SCARB2: variants seen among roughly 807,000 people sequenced by gnomAD.
The protein encoded by SCARB2 is scavenger receptor class B member 2, also known as lysosome membrane protein 2.
SCARB2 carries 29 observed loss-of-function variants against 58.6 expected under a neutral mutation model. That is an observed-to-expected ratio of 0.49 (90% CI 0.37 to 0.67). SCARB2 has a LOEUF of 0.67. Among genes scored for constraint, SCARB2 ranks in the 30% least tolerant of loss-of-function variants. The probability of loss-of-function intolerance (pLI) is 0.00; values close to 1 mark genes in which losing one functional copy is unlikely to be tolerated. For missense variants in SCARB2, 488 were observed against 578.5 expected, an observed-to-expected ratio of 0.84 and a Z score of 1.60; for synonymous variants, 195 against 210.1, an observed-to-expected ratio of 0.93 and a Z score of 0.62.
chr4:76,160,765 T>C lies in SCARB2; in HGVS notation c.*948A>G, dbSNP rs1731879771. 6.6e-6 allele frequency: 1 copy of C among 152,226 alleles called. No individual in the cohort carries two copies. The highest frequency in any genetic ancestry group is 2.4e-5 in the African/African-American group (1 of 41,466). 9.4% of individuals were successfully genotyped at this position (152,226 alleles called of 1,614,324 possible). Reference sequence around the variant, plus strand: ...GTAACTTAGGCTGTAGATAGATGGATTTCCCATATTCATAATTTTACAAAT... The same window carrying C: ...GTAACTTAGGCTGTAGATAGATGGACTTCCCATATTCATAATTTTACAAAT... On this transcript the variant is annotated 3_prime_UTR_variant, in exon 12 of 12. Transcript: ENST00000264896.
chr4:76,162,816 T>C, intron 11 of SCARB2: 2 of 321,246 alleles, frequency 6.2e-6, no homozygotes, highest in Non-Finnish European at 1.2e-5. Context: ...ATTTTACAGA[T>C]GAAGAAACTG....
intron 1 of SCARB2, among the ~76,000 whole-genome samples, chr4:76,207,890 C>T (rs1051938032): frequency 1.3e-5 from 2 of 152,178 alleles, no homozygotes. Flanking sequence ...ATAATATTTC[C>T]TTTAATGTAA....
chr4:76,187,445 A>T (rs1193742816), intron 2 of SCARB2, among the ~76,000 whole-genome samples: 1 of 152,232 alleles, frequency 6.6e-6, no homozygotes, highest in Non-Finnish European at 1.5e-5. Flanking sequence ...CGAGGTAACC[A>T]GAGGAGAAAA....
Position 76,166,246 on chromosome 4 carries a change from T to C in SCARB2, c.1239+4A>G. On this transcript the variant is annotated splice_donor_region_variant and intron_variant, in intron 10 of 11. Coordinates refer to ENST00000264896, the MANE Select transcript of SCARB2 (RefSeq NM_005506.4). ...CCCGTGGCTCCCTCCGTCTCAGGAC[T>C]TACCTCATTGAGGTACATCACTGGG... The C allele has an allele frequency of 6.2e-7, 1 of 1,613,822 alleles. No individual in the cohort carries two copies. The highest frequency in any genetic ancestry group is 8.5e-7 in the Non-Finnish European group (1 of 1,179,704).
chr4:76,181,438 C>T (rs1029018721), intron 2 of SCARB2, among the ~76,000 whole-genome samples: 8 of 152,204 alleles, frequency 5.3e-5, no homozygotes, highest in African/African-American at 1.9e-4. Flanking sequence ...TCAAAATTTT[C>T]AGTTTGGTTC....
At chr4:76,220,513 GCTTA>G (rs1248481914) in intron 1 of SCARB2, among the ~76,000 whole-genome samples, 2 of 152,162 alleles carry the variant, frequency 1.3e-5, no homozygotes, top group African/African-American at 2.4e-5. Flanking sequence ...TATAGTCCCA[GCTTA>G]CTTATGAGGT....
chr4:76,177,223 G>GAA (rs1199039232), intron 4 of SCARB2: 1 of 151,064 alleles, frequency 6.6e-6, no homozygotes, highest in Admixed American at 6.6e-5. Flanking sequence ...TTTCTGAAAA[G>GAA]AAAATATACT....
chr4:76,166,759 G>A (rs1381457470), intron 9 of SCARB2: 11 of 181,762 alleles, frequency 6.1e-5, no homozygotes, highest in Non-Finnish European at 1.3e-4. Flanking sequence ...TACTGTCCCA[G>A]GTTTACAGAT....
intron 1 of SCARB2, among the ~76,000 whole-genome samples, chr4:76,200,135 A>ACTGG (rs1732800232): frequency 6.6e-6 from 1 of 152,194 alleles, no homozygotes; most frequent in African/African-American, 2.4e-5. Context: ...GCCAGTCTGA[A>ACTGG]CAGAAAGCCA....
At chr4:76,170,009 T>C (rs769852857) in intron 7 of SCARB2, 24 bp from the exon 8 acceptor site, 1 of 1,558,366 alleles carries the variant, frequency 6.4e-7, no homozygotes, top group South Asian at 1.1e-5. Flanking sequence ...AAAACAGAAA[T>C]GAATGATGCT....
At chr4:76,227,011 T>TG (rs1316264697) in intron 1 of SCARB2, among the ~76,000 whole-genome samples, 1 of 151,994 alleles carries the variant, frequency 6.6e-6, no homozygotes, top group Non-Finnish European at 1.5e-5. Flanking sequence ...TTTGTTTGTT[T>TG]GTTTCAATTT....
intron 2 of SCARB2, among the ~76,000 whole-genome samples, chr4:76,189,394 T>C (rs1483915059): frequency 6.6e-6 from 1 of 152,210 alleles, no homozygotes; most frequent in Admixed American, 6.5e-5. Flanking sequence ...CTTACAGTCA[T>C]GGCAGAAGGG....
At chr4:76,169,726 A>G (rs2109937590) in intron 8 of SCARB2, 141 bp downstream of exon 8, 2 of 759,408 alleles carry the variant, frequency 2.6e-6, no homozygotes, top group South Asian at 2.9e-5. Flanking sequence ...TGCCTCCATC[A>G]GCACTGAGCT....
chr4:76,205,074 C>A (rs1002472674), intron 1 of SCARB2, among the ~76,000 whole-genome samples: 1 of 152,048 alleles, frequency 6.6e-6, no homozygotes, highest in Non-Finnish European at 1.5e-5. Flanking sequence ...GCCTGTAATC[C>A]CAGCACTTTA....
Position 76,213,730 on chromosome 4 carries a change from C to T in SCARB2, c.-187G>A. Reference sequence around the variant, plus strand: ...CTGGCGAGCGCGGCCCCGGGTGCACCGGGCGGATGGGGCCGCGGAGGGACG... The same window carrying T: ...CTGGCGAGCGCGGCCCCGGGTGCACTGGGCGGATGGGGCCGCGGAGGGACG... On this transcript the variant is annotated 5_prime_UTR_variant, in exon 1 of 12. Transcript: ENST00000264896. The T allele has an allele frequency of 1.0e-5, 5 of 493,784 alleles. No individual in the cohort carries two copies. The South Asian group carries it at 1.4e-4, about 13-fold the overall frequency. The allele number at this position is 493,784 out of a possible 1,614,324, so 30.6% of individuals were successfully genotyped here. A position where few individuals can be genotyped will look rare whatever the true frequency, so the allele number is the denominator to read the frequency against.
chr4:76,220,939 C>G (rs1733295568), intron 1 of SCARB2, among the ~76,000 whole-genome samples: 1 of 152,180 alleles, frequency 6.6e-6, no homozygotes, highest in South Asian at 2.1e-4. Flanking sequence ...TACACACACT[C>G]AGCTTCCCCT....
upstream of SCARB2, chr4:76,217,451 C>G: frequency 2.5e-6 from 1 of 403,380 alleles, no homozygotes; most frequent in East Asian, 3.5e-5. Context: ...AGATTAATGC[C>G]TCCCTCAGGC....
Position 76,159,008 on chromosome 4 carries a change from G to C in SCARB2, c.*2705C>G, listed in dbSNP as rs1382975406. On this transcript the variant is annotated 3_prime_UTR_variant, in exon 12 of 12. Transcript: ENST00000264896. ...AACCCCAATAGGGGTTAGTCGTGTA[G>C]TGCTTGTTCCACTTGACCATTAGTG... is the stretch of plus-strand genomic sequence containing the variant. 1 of 152,214 alleles carries C rather than the reference G, an allele frequency of 6.6e-6. No homozygotes were observed. Among genetic ancestry groups the C allele is most frequent in the African/African-American group, 2.4e-5 (1 of 41,460 alleles). The allele number at this position is 152,214 out of a possible 1,614,324, so 9.4% of individuals were successfully genotyped here. A position where few individuals can be genotyped will look rare whatever the true frequency, so the allele number is the denominator to read the frequency against.
intron 1 of SCARB2, among the ~76,000 whole-genome samples, chr4:76,209,553 G>C (rs1006440988): frequency 6.6e-6 from 1 of 152,206 alleles, no homozygotes; most frequent in South Asian, 2.1e-4. Flanking sequence ...ATTTTTAGTA[G>C]AGACAGGGTT....
Sources: gnomAD v4.1 joint callset for allele counts (sites outside exome capture counted in the v4.1 genomes callset) on GRCh38, gnomAD v4.1.1 for gene constraint, MANE v1.5 for transcripts, NCBI Gene and HGNC (gene_info 2026-07-23, HGNC 2026-07-21) for gene names.